The following SFSWAP variants were observed in gnomAD, a reference collection of about 807,000 sequenced individuals.
The protein encoded by SFSWAP is splicing factor SWAP, also known as splicing factor, suppressor of white-apricot homolog.
SFSWAP carries 17 observed loss-of-function variants against 100.7 expected under a neutral mutation model. The ratio of observed to expected loss-of-function variants is 0.17; its 90% CI spans 0.12 to 0.25. The LOEUF (loss-of-function observed/expected upper bound fraction) is 0.25. Among genes scored for constraint, SFSWAP ranks in the 10% least tolerant of loss-of-function variants. The pLI is 1.00. For missense variants in SFSWAP, 1,005 were observed against 1,262.6 expected, an observed-to-expected ratio of 0.80 and a Z score of 3.09; for synonymous variants, 504 against 510.1, an observed-to-expected ratio of 0.99 and a Z score of 0.16.
chr12:131,796,995 C>G (rs1254702095), intron 15 of SFSWAP, 183 bp from the exon 16 acceptor site: 3 of 586,458 alleles, frequency 5.1e-6, no homozygotes, highest in Non-Finnish European at 9.0e-6. Flanking sequence ...GGGGACGCGT[C>G]ATCTGTTATC....
At chr12:131,768,158 G>T (rs1192541325) in intron 13 of SFSWAP, among the ~76,000 whole-genome samples, 1 of 152,214 alleles carries the variant, frequency 6.6e-6, no homozygotes, top group African/African-American at 2.4e-5. Flanking sequence ...CCCATGAAGG[G>T]CCTTCTCCTG....
rs550010330 is a variant in SFSWAP at position 131,740,671 on chromosome 12, G to A, written c.1081+12243G>A. Among the ~76,000 whole-genome samples the A allele has an allele frequency of 2.2e-4, 33 of 152,234 alleles. No homozygotes were observed. In the South Asian group the frequency reaches 5.4e-3, roughly 25 times the overall value. ...GACTGTGTCCATCTTCCCTGTCAGC[G>A]ACTTTTTTCAGCCATGTCTATTTAT... is the stretch of plus-strand genomic sequence containing the variant. On this transcript the variant is annotated intron_variant, in intron 7 of 17. Transcript: ENST00000261674.
rs745709035 is a variant in SFSWAP, at chr12:131,756,589, C to T, written c.1665C>T (p.Gly555=). ...AAEVGARAGS[G]GKKEASSSKT... is the part of the protein sequence containing the mutation. The stretch of plus-strand genomic sequence containing the variant: ...AGGTGGGAGCACGGGCAGGCTCAGG[C>T]GGGAAGAAGGAGGCATCGTCCAGTA... Residue 555 remains glycine (G), a synonymous_variant, in exon 11 of 18, where the codon GGC becomes GGT. Coordinates refer to ENST00000261674, the MANE Select transcript of SFSWAP (RefSeq NM_004592.4). The T allele has an allele frequency of 7.4e-6, 12 of 1,612,522 alleles. No individual in the cohort carries two copies. The highest frequency in any genetic ancestry group is 1.7e-5 in the Admixed American group (1 of 59,630).
chr12:131,787,093 T>C (rs1444419235), intron 15 of SFSWAP, among the ~76,000 whole-genome samples: 3 of 152,096 alleles, frequency 2.0e-5, no homozygotes, highest in African/African-American at 7.2e-5. Flanking sequence ...CGCTTACCTC[T>C]TGACCACTAA....
chr12:131,795,671 C>T (rs748712077), intron 15 of SFSWAP, among the ~76,000 whole-genome samples: 2 of 151,694 alleles, frequency 1.3e-5, no homozygotes, highest in Admixed American at 6.6e-5. Flanking sequence ...GTGCACAGGC[C>T]CTGGAGGTCT....
chr12:131,723,306 G>GC (rs1309630271), intron 4 of SFSWAP: 1 of 152,124 alleles, frequency 6.6e-6, no homozygotes, highest in African/African-American at 2.4e-5. Flanking sequence ...AATGTGTCTT[G>GC]CAGGTATTTT....
At chr12:131,762,371 A>G (rs10902447) in intron 11 of SFSWAP, among the ~76,000 whole-genome samples, 124,738 of 152,190 alleles carry the variant, frequency 0.82, 53,595 homozygotes, top group East Asian at 0.96. Flanking sequence ...TGATTGCACC[A>G]CTGCACTGCA....
chr12:131,748,598 A>C (rs10902442), intron 7 of SFSWAP, among the ~76,000 whole-genome samples: 22,256 of 152,302 alleles, frequency 0.15, 2,233 homozygotes, highest in East Asian at 0.52. Context: ...CACGAGATTA[A>C]GATCATGCAG....
Position 131,778,931 on chromosome 12 carries a change from T to C in SFSWAP, c.2408+601T>C, listed in dbSNP as rs966003757. Reference sequence around the variant, plus strand: ...CCACATTTGCCGATTGTGTGAAAGATTCACAGGGTGGTGTGCTGGGGGTCT... The same window carrying C: ...CCACATTTGCCGATTGTGTGAAAGACTCACAGGGTGGTGTGCTGGGGGTCT... On this transcript the variant is annotated intron_variant, in intron 14 of 17. Transcript: ENST00000261674. The surrounding 1 kb of genome is among the most constrained non-coding windows in gnomAD (Gnocchi z 4.2). 3.3e-5 allele frequency among the ~76,000 whole-genome samples: 5 copies of C among 151,996 alleles called. No individual in the cohort carries two copies. The highest frequency in any genetic ancestry group is 3.9e-4 in the East Asian group (2 of 5,122).
At chr12:131,719,637 A>G in intron 4 of SFSWAP, 98 bp downstream of exon 4, 1 of 937,876 alleles carries the variant, frequency 1.1e-6, no homozygotes, top group Non-Finnish European at 1.7e-6. Context: ...GCTGCTTTTT[A>G]GGCATATAAT....
intron 3 of SFSWAP, among the ~76,000 whole-genome samples, chr12:131,718,815 T>G (rs372853708): frequency 6.6e-6 from 1 of 152,214 alleles, no homozygotes; most frequent in Admixed American, 6.5e-5. Context: ...GAGCACCTGC[T>G]AAGTGTGGAG....
intron 7 of SFSWAP, among the ~76,000 whole-genome samples, chr12:131,739,087 A>G (rs1880349638): frequency 6.6e-6 from 1 of 151,892 alleles, no homozygotes; most frequent in African/African-American, 2.4e-5. Flanking sequence ...TATGTTGCCC[A>G]GGCTGATGTT....
At chr12:131,783,821 T>TATAA (rs57488564) in intron 14 of SFSWAP, 1 of 131,664 alleles carries the variant, frequency 7.6e-6, no homozygotes, top group South Asian at 2.6e-4. Flanking sequence ...TATATATATA[T>TATAA]AATTCTTTGT....
At chr12:131,780,752 C>A (rs919391221) in intron 14 of SFSWAP, among the ~76,000 whole-genome samples, 3 of 152,218 alleles carry the variant, frequency 2.0e-5, no homozygotes, top group Admixed American at 1.3e-4. Context: ...CATAAACAAG[C>A]CCTCCTAGTA....
At chr12:131,729,555 G>A (rs1879309733) in intron 7 of SFSWAP, among the ~76,000 whole-genome samples, 1 of 152,212 alleles carries the variant, frequency 6.6e-6, no homozygotes, top group African/African-American at 2.4e-5. Flanking sequence ...TATGCACTGA[G>A]AAATTACATT....
intron 14 of SFSWAP, among the ~76,000 whole-genome samples, chr12:131,780,999 T>C (rs1378574433): frequency 6.6e-6 from 1 of 152,148 alleles, no homozygotes; most frequent in Non-Finnish European, 1.5e-5. Context: ...GGTGATGCCG[T>C]GGCCCCCAGC....
chr12:131,716,093 G>C (rs1877884574), intron 3 of SFSWAP, among the ~76,000 whole-genome samples: 1 of 152,202 alleles, frequency 6.6e-6, no homozygotes, highest in South Asian at 2.1e-4. Flanking sequence ...ACTGCACTAT[G>C]GTTCTACCCA....
At chr12:131,775,849 G>T (rs1883978517) in intron 13 of SFSWAP, among the ~76,000 whole-genome samples, 1 of 151,830 alleles carries the variant, frequency 6.6e-6, no homozygotes, top group Non-Finnish European at 1.5e-5. Context: ...CAGCACTTTG[G>T]GATGCTGAGG....
intron 7 of SFSWAP, among the ~76,000 whole-genome samples, chr12:131,743,801 C>T (rs930497552): frequency 6.6e-6 from 1 of 152,250 alleles, no homozygotes; most frequent in Non-Finnish European, 1.5e-5. Context: ...GAGGGCCCTG[C>T]CCCTGCCACA....
Sources: gnomAD v4.1 joint callset for allele counts (sites outside exome capture counted in the v4.1 genomes callset) on GRCh38, gnomAD v4.1.1 for gene constraint, Gnocchi (gnomAD v3.1) non-coding constraint, MANE v1.5 for transcripts, NCBI Gene and HGNC (gene_info 2026-07-23, HGNC 2026-07-21) for gene names.